TMEM123: variants seen among roughly 807,000 people sequenced by gnomAD.
The protein encoded by TMEM123 is porimin.
In TMEM123, 16 loss-of-function variants were observed where a neutral mutation model predicts 19.7. That is an observed-to-expected ratio of 0.81 (90% CI 0.55 to 1.23). TMEM123 has a LOEUF of 1.23. TMEM123 is among the 50% of genes most tolerant of loss of function. The probability of loss-of-function intolerance (pLI) is 0.00; values close to 1 mark genes in which losing one functional copy is unlikely to be tolerated. For missense variants in TMEM123, 313 were observed against 257.8 expected (o/e 1.21, Z -1.47); for synonymous variants, 118 against 99.4 (o/e 1.19, Z -1.12).
At chr11:102,407,542 A>C (rs1951966719) in intron 2 of TMEM123, among the ~76,000 whole-genome samples, 1 of 152,228 alleles carries the variant, frequency 6.6e-6, no homozygotes, top group Admixed American at 6.5e-5. Flanking sequence ...ATTTGGAGAG[A>C]GAATCTTTAC....
At chr11:102,429,487 A>G (rs1952157378) in intron 2 of TMEM123, among the ~76,000 whole-genome samples, 1 of 152,170 alleles carries the variant, frequency 6.6e-6, no homozygotes, top group Admixed American at 6.5e-5. Context: ...TTCTAAAATG[A>G]GACTTTCCTC....
intron 2 of TMEM123, among the ~76,000 whole-genome samples, chr11:102,444,625 A>T (rs758014170): frequency 6.6e-6 from 1 of 152,138 alleles, no homozygotes; most frequent in Non-Finnish European, 1.5e-5. Context: ...CCAACATGGC[A>T]TATGTATACA....
At chr11:102,441,973 C>T (rs925974735) in intron 2 of TMEM123, among the ~76,000 whole-genome samples, 36 of 152,194 alleles carry the variant, frequency 2.4e-4, no homozygotes, top group Admixed American at 1.0e-3. Context: ...AATTCCTGGA[C>T]ACATACACCC....
Position 102,398,762 on chromosome 11 carries a change from TTATAC to T in TMEM123, c.*100_*104del. On this transcript the variant is annotated 3_prime_UTR_variant, in exon 5 of 5. Coordinates refer to ENST00000398136, the MANE Select transcript of TMEM123 (RefSeq NM_052932.3). Reference sequence around the variant, plus strand: ...ACTGTACATTATATGCATGGCCTGTTTATACTATTTTCAAAAAGAGAATATTGTTT... The same window carrying T: ...ACTGTACATTATATGCATGGCCTGTTTATTTTCAAAAAGAGAATATTGTTT... 1 of 1,162,734 alleles carries T rather than the reference TTATAC, an allele frequency of 8.6e-7. No individual in the cohort carries two copies. The highest frequency in any genetic ancestry group is 1.3e-6 in the Non-Finnish European group (1 of 790,364). 72.0% of individuals were successfully genotyped at this position (1,162,734 alleles called of 1,614,324 possible).
Position 102,398,769 on chromosome 11 carries a change from A to G in TMEM123, c.*98T>C, listed in dbSNP as rs1591551568. 34 of 1,255,360 alleles carry G rather than the reference A, an allele frequency of 2.7e-5. No homozygotes were observed. The East Asian group carries it at 7.5e-4, about 28-fold the overall frequency. 77.8% of individuals were successfully genotyped at this position (1,255,360 alleles called of 1,614,324 possible). On this transcript the variant is annotated 3_prime_UTR_variant, in exon 5 of 5. Transcript: ENST00000398136. ...ATTATATGCATGGCCTGTTTATACT[A>G]TTTTCAAAAAGAGAATATTGTTTTA...
At chr11:102,415,872 T>G (rs781341178) in intron 2 of TMEM123, among the ~76,000 whole-genome samples, 2 of 150,856 alleles carry the variant, frequency 1.3e-5, no homozygotes, top group African/African-American at 2.4e-5. Context: ...ATACAAAAGA[T>G]CAATGAAACC....
intron 2 of TMEM123, among the ~76,000 whole-genome samples, chr11:102,432,859 A>C (rs1857726835): frequency 6.8e-6 from 1 of 147,650 alleles, no homozygotes; most frequent in Non-Finnish European, 1.5e-5. Flanking sequence ...AAGGGGTCAA[A>C]GTACAGCTCA....
At position 102,398,746 on chromosome 11, in the gene TMEM123, T is replaced by C. The variant is rs1951882773; in HGVS notation, c.*121A>G. 2.0e-6 allele frequency: 2 copies of C among 983,710 alleles called. No homozygotes were observed. The allele number at this position is 983,710 out of a possible 1,614,324, so 60.9% of individuals were successfully genotyped here. On this transcript the variant is annotated 3_prime_UTR_variant, in exon 5 of 5. Transcript: ENST00000398136. ...CATATTTACGTAATACACTGTACATTATATGCATGGCCTGTTTATACTATT... is the reference window on the plus strand; with the variant it reads ...CATATTTACGTAATACACTGTACATCATATGCATGGCCTGTTTATACTATT...
chr11:102,398,721 C>T lies in TMEM123; in HGVS notation c.*146G>A. 1.3e-6 allele frequency: 1 copy of T among 756,142 alleles called. No individual in the cohort carries two copies. The highest frequency in any genetic ancestry group is 2.1e-6 in the Non-Finnish European group (1 of 475,816). 46.8% of individuals were successfully genotyped at this position (756,142 alleles called of 1,614,324 possible). On this transcript the variant is annotated 3_prime_UTR_variant, in exon 5 of 5. Transcript: ENST00000398136. ...CCCTTGTTACCTTGAAGAATCTTTA[C>T]ATATTTACGTAATACACTGTACATT...
At chr11:102,433,479 A>C (rs4754845) in intron 2 of TMEM123, among the ~76,000 whole-genome samples, 141,237 of 151,860 alleles carry the variant, frequency 0.93, 65,895 homozygotes, top group East Asian at 1. Context: ...GCCTGTACTC[A>C]CATTGTATCT....
At chr11:102,432,723 A>G (rs1294449707) in intron 2 of TMEM123, among the ~76,000 whole-genome samples, 2 of 152,226 alleles carry the variant, frequency 1.3e-5, no homozygotes, top group African/African-American at 4.8e-5. Flanking sequence ...AGCCCCTCCC[A>G]TCACAGGCCT....
In TMEM123 at chr11:102,401,524, C is replaced by A. The variant is rs765945923; in HGVS notation, c.602+15G>T. ...AACAATTTTTTTTAAAAAGTCCTGG[C>A]CATTCAAAACTTACATGGTTCGATA... On this transcript the variant is annotated intron_variant, in intron 4 of 4. Transcript: ENST00000398136. 6.5e-7 allele frequency: 1 copy of A among 1,546,432 alleles called. No individual in the cohort carries two copies. Among genetic ancestry groups the A allele is most frequent in the Non-Finnish European group, 8.7e-7 (1 of 1,156,004 alleles).
intron 2 of TMEM123, among the ~76,000 whole-genome samples, chr11:102,411,490 G>A (rs1952004182): frequency 6.6e-6 from 1 of 152,170 alleles, no homozygotes; most frequent in African/African-American, 2.4e-5. Flanking sequence ...AGGGGGTTAT[G>A]GGAAAGCCTG....
chr11:102,442,724 G>A (rs1368476738), intron 2 of TMEM123, among the ~76,000 whole-genome samples: 1 of 152,060 alleles, frequency 6.6e-6, no homozygotes, highest in Admixed American at 6.6e-5. Context: ...GGAAATAAAG[G>A]GTATTCAATT....
rs1763573643 is a variant in TMEM123 at position 102,451,696 on chromosome 11, G to C, written c.100+828C>G. 7.9e-5 allele frequency among the ~76,000 whole-genome samples: 12 copies of C among 152,208 alleles called. No individual in the cohort carries two copies. The South Asian group carries it at 2.5e-3, about 31-fold the overall frequency. Reference sequence around the variant, plus strand: ...TTACACAACAAATCCCAACTTCCTGGTTTCATCCAAAAAGGGCTGTTTGAA... The same window carrying C: ...TTACACAACAAATCCCAACTTCCTGCTTTCATCCAAAAAGGGCTGTTTGAA... On this transcript the variant is annotated intron_variant, in intron 1 of 4. Coordinates refer to ENST00000398136, the MANE Select transcript of TMEM123 (RefSeq NM_052932.3).
At chr11:102,401,146 C>G (rs1951908989) in intron 4 of TMEM123, among the ~76,000 whole-genome samples, 3 of 151,948 alleles carry the variant, frequency 2.0e-5, no homozygotes, top group Admixed American at 2.0e-4. Flanking sequence ...TCGTGGAAAA[C>G]AAAAGCCATG....
chr11:102,406,574 TAAA>T (rs1289882342), intron 2 of TMEM123, among the ~76,000 whole-genome samples: 1 of 151,978 alleles, frequency 6.6e-6, no homozygotes, highest in Non-Finnish European at 1.5e-5. Flanking sequence ...GAGATTGCCT[TAAA>T]AAAGATAGCT....
intron 4 of TMEM123, among the ~76,000 whole-genome samples, chr11:102,399,151 A>G (rs533022048): frequency 6.6e-6 from 1 of 152,304 alleles, no homozygotes; most frequent in Admixed American, 6.5e-5. Flanking sequence ...TCCCTATTAA[A>G]TATTTCTTTC....
At chr11:102,427,620 C>T (rs1374966477) in intron 2 of TMEM123, among the ~76,000 whole-genome samples, 2 of 151,216 alleles carry the variant, frequency 1.3e-5, no homozygotes, top group South Asian at 2.1e-4. Flanking sequence ...AGGTGGATCA[C>T]GAGGTCAGCA....
Sources: allele counts gnomAD v4.1 joint callset (sites outside exome capture counted in the v4.1 genomes callset), GRCh38; gene constraint gnomAD v4.1.1; transcripts MANE v1.5; gene names NCBI Gene and HGNC (gene_info 2026-07-23, HGNC 2026-07-21).